The following BBOX1 variants were observed in gnomAD, a reference collection of about 807,000 sequenced individuals.
BBOX1 encodes the protein gamma-butyrobetaine dioxygenase.
In BBOX1, 35 loss-of-function variants were observed where a neutral mutation model predicts 41.6. That is an observed-to-expected ratio of 0.84 (90% CI 0.64 to 1.11). The LOEUF is 1.11. Among genes scored for constraint, BBOX1 ranks in the 50% most tolerant of loss-of-function variants. BBOX1 has a pLI of 0.00. For synonymous variants in BBOX1, 163 were observed against 154.7 expected, an observed-to-expected ratio of 1.05 and a Z score of -0.40; for missense variants, 458 against 460.6, an observed-to-expected ratio of 0.99 and a Z score of 0.05.
At chr11:27,119,547 A>G in intron 6 of BBOX1, 102 bp from the exon 7 acceptor site, 1 of 693,268 alleles carries the variant, frequency 1.4e-6, no homozygotes, top group Non-Finnish European at 2.0e-6. Flanking sequence ...AAAATGGTGC[A>G]TGTATATTAT....
chr11:27,080,952 T>C (rs1305385627), intron 4 of BBOX1, among the ~76,000 whole-genome samples: 1 of 152,188 alleles, frequency 6.6e-6, no homozygotes, highest in Non-Finnish European at 1.5e-5. Context: ...TATTATCTCA[T>C]TCAAATTTTA....
intron 5 of BBOX1, among the ~76,000 whole-genome samples, chr11:27,108,615 G>A (rs1468751249): frequency 6.6e-6 from 1 of 151,992 alleles, no homozygotes; most frequent in Non-Finnish European, 1.5e-5. Context: ...TGGATTGTCT[G>A]ACACATATTT....
At chr11:27,053,317 T>C (rs956128976) in intron 2 of BBOX1, among the ~76,000 whole-genome samples, 1 of 152,180 alleles carries the variant, frequency 6.6e-6, no homozygotes, top group South Asian at 2.1e-4. Flanking sequence ...AATGAAAGCA[T>C]AAACTTAGAT....
At chr11:27,093,131 T>C (rs777596284) in intron 4 of BBOX1, 37 bp from the exon 5 acceptor site, 1 of 1,578,894 alleles carries the variant, frequency 6.3e-7, no homozygotes, top group Non-Finnish European at 8.7e-7. Context: ...AAAAAGAATG[T>C]AATCCCATCT....
chr11:27,119,085 G>A (rs751643652), intron 6 of BBOX1, among the ~76,000 whole-genome samples: 4 of 151,856 alleles, frequency 2.6e-5, no homozygotes, highest in Non-Finnish European at 4.4e-5. Flanking sequence ...CCATCATGAG[G>A]CCTCACCAAT....
chr11:27,056,017 T>C (rs1856969022), intron 3 of BBOX1, among the ~76,000 whole-genome samples: 1 of 152,190 alleles, frequency 6.6e-6, no homozygotes, highest in Non-Finnish European at 1.5e-5. Context: ...ATTCTTATTA[T>C]GCTCTTGTCC....
chr11:27,045,839 T>C (rs1851471475), intron 2 of BBOX1, among the ~76,000 whole-genome samples: 2 of 152,208 alleles, frequency 1.3e-5, no homozygotes, highest in Non-Finnish European at 2.9e-5. Flanking sequence ...ATTAATCTAC[T>C]ACAATTTTAA....
intron 4 of BBOX1, chr11:27,062,997 T>G (rs1857176703): frequency 6.6e-6 from 1 of 152,234 alleles, no homozygotes; most frequent in African/African-American, 2.4e-5. Flanking sequence ...GGCTCTGAGT[T>G]TGGATGGACC....
At position 27,115,552 on chromosome 11, in the gene BBOX1, C is replaced by A; in HGVS notation, c.634C>A (p.Pro212Thr). ...HTDYPALHHP[P>T]GVQLLHCIKQ... Reference sequence around the variant, plus strand: ...TGATTATCCAGCCCTCCATCATCCACCTGGGGTAAGTGAGCTTCAACATAT... The same window carrying A: ...TGATTATCCAGCCCTCCATCATCCAACTGGGGTAAGTGAGCTTCAACATAT... Residue 212 changes from proline to threonine, a missense_variant, in exon 6 of 9, where the codon CCT (proline) becomes ACT (threonine). By Grantham distance (38) the Pro-to-Thr change is conservative (BLOSUM62 -1). Coordinates refer to ENST00000263182, the MANE Select transcript of BBOX1 (RefSeq NM_003986.3). The A allele has an allele frequency of 6.2e-7, 1 of 1,607,854 alleles. No individual in the cohort carries two copies. Among genetic ancestry groups the A allele is most frequent in the Non-Finnish European group, 8.5e-7 (1 of 1,176,214 alleles).
intron 4 of BBOX1, among the ~76,000 whole-genome samples, chr11:27,081,812 A>C (rs1857847399): frequency 6.6e-6 from 1 of 152,128 alleles, no homozygotes; most frequent in Admixed American, 6.5e-5. Flanking sequence ...ACCAGTGATG[A>C]TGAGCATTTT....
chr11:27,106,997 A>T (rs1032283040), intron 5 of BBOX1, among the ~76,000 whole-genome samples: 2 of 152,216 alleles, frequency 1.3e-5, no homozygotes, highest in African/African-American at 4.8e-5. Flanking sequence ...TACTGGGTAC[A>T]TAGTGAAATG....
chr11:27,119,556 ATTT>A (rs1590228011), intron 6 of BBOX1, 90 bp from the exon 7 acceptor site: 5 of 770,448 alleles, frequency 6.5e-6, no homozygotes, highest in Non-Finnish European at 8.7e-6. Flanking sequence ...CATGTATATT[ATTT>A]TATTTTATTA....
chr11:27,123,304 C>G (rs1338904528), intron 7 of BBOX1, among the ~76,000 whole-genome samples: 1 of 151,934 alleles, frequency 6.6e-6, no homozygotes, highest in Non-Finnish European at 1.5e-5. Flanking sequence ...GCATCCAATT[C>G]TGATTTTCAT....
chr11:27,072,762 T>C (rs1407731792), intron 4 of BBOX1, among the ~76,000 whole-genome samples: 1 of 152,024 alleles, frequency 6.6e-6, no homozygotes, highest in Non-Finnish European at 1.5e-5. Flanking sequence ...TCAGAAATAA[T>C]ACCACACATC....
chr11:27,096,832 C>A lies in BBOX1; in HGVS notation c.533+3466C>A, dbSNP rs945974374. Reference sequence around the variant, plus strand: ...AGGACTATAAACCAGCAGATAAATACAATAATTATTAGAATCTTTCACCAT... The same window carrying A: ...AGGACTATAAACCAGCAGATAAATAAAATAATTATTAGAATCTTTCACCAT... On this transcript the variant is annotated intron_variant, in intron 5 of 8. Coordinates refer to ENST00000263182, the MANE Select transcript of BBOX1 (RefSeq NM_003986.3). 2.6e-5 allele frequency among the ~76,000 whole-genome samples: 4 copies of A among 151,918 alleles called. No individual in the cohort carries two copies. In the South Asian group the frequency reaches 8.3e-4, roughly 31 times the overall value.
chr11:27,124,646 G>A (rs1054670637), intron 7 of BBOX1, among the ~76,000 whole-genome samples: 7 of 152,094 alleles, frequency 4.6e-5, no homozygotes, highest in African/African-American at 1.7e-4. Flanking sequence ...CACCCAAGTA[G>A]CTGGGATTAC....
chr11:27,080,489 T>C (rs1317010198), intron 4 of BBOX1, among the ~76,000 whole-genome samples: 1 of 152,152 alleles, frequency 6.6e-6, no homozygotes, highest in Non-Finnish European at 1.5e-5. Context: ...GAGTGTCTGC[T>C]ACGTACTAGG....
chr11:27,113,941 G>T lies in BBOX1; in HGVS notation c.534-1511G>T, dbSNP rs74819277. Among the ~76,000 whole-genome samples the T allele has an allele frequency of 3.4e-3, 511 of 151,788 alleles. 12 individuals are homozygous for T. The East Asian group carries it at 0.049, about 15-fold the overall frequency. ...AGACAATAGAAATAAAGGCATCCAA[G>T]TGAGAAATAAAAAAGTAAATCTATC... is the stretch of plus-strand genomic sequence containing the variant. On this transcript the variant is annotated intron_variant, in intron 5 of 8. Coordinates refer to ENST00000263182, the MANE Select transcript of BBOX1 (RefSeq NM_003986.3).
At chr11:27,123,422 G>C (rs181640506) in intron 7 of BBOX1, among the ~76,000 whole-genome samples, 8 of 152,218 alleles carry the variant, frequency 5.3e-5, no homozygotes, top group Admixed American at 4.6e-4. Context: ...AAGGAGCTAT[G>C]GTAATAGTGG....
Sources: allele counts gnomAD v4.1 joint callset (sites outside exome capture counted in the v4.1 genomes callset), GRCh38; gene constraint gnomAD v4.1.1; transcripts MANE v1.5; gene names NCBI Gene and HGNC (gene_info 2026-07-23, HGNC 2026-07-21).